The following JARID2 variants were observed in gnomAD, a reference collection of about 807,000 sequenced individuals.
The protein encoded by JARID2 is protein Jumonji.
JARID2 carries 21 observed loss-of-function variants against 125.6 expected under a neutral mutation model. That is an observed-to-expected ratio of 0.17 (90% confidence interval 0.12 to 0.24). The LOEUF (loss-of-function observed/expected upper bound fraction) is 0.24. Ranked by LOEUF, JARID2 falls within the 10% of genes least tolerant of loss-of-function variation. The pLI, the probability that JARID2 is intolerant of heterozygous loss-of-function variation, is 1.00. For synonymous variants in JARID2, 736 were observed against 661.6 expected (o/e 1.11, Z -1.73); for missense variants, 1,303 against 1,639.6 (o/e 0.79, Z 3.55).
intron 4 of JARID2, 142 bp downstream of exon 4, chr6:15,452,317 AAATC>A: frequency 1.0e-5 from 13 of 1,251,564 alleles, no homozygotes; most frequent in South Asian, 3.3e-5. Flanking sequence ...TGAAAGTGAG[AAATC>A]CCACCGAGAG....
In JARID2 at chr6:15,501,200, A is replaced by C. The variant is rs1351105435; in HGVS notation, c.2239A>C (p.Lys747Gln). The change falls in exon 8 of 18, where the codon AAG (lysine) becomes CAG (glutamine). Residue 747 changes from lysine (K) to glutamine (Q), a missense_variant. Lys to Gln is a moderately conservative substitution (Grantham distance 53). This residue lies in a region of JARID2 where 124 missense variants were observed against 131.0 expected (regional missense o/e 0.95). Transcript: ENST00000341776. ...LEGHTENDHHKFHPLPRFEPK... is the reference protein window; with the variant it reads ...LEGHTENDHHQFHPLPRFEPK... ...AGGCCACACAGAGAACGACCACCAC[A>C]AGTTCCACCCTCTGCCCCGCTTCGA... 4.3e-6 allele frequency: 7 copies of C among 1,613,916 alleles called. No homozygotes were observed. Among genetic ancestry groups the C allele is most frequent in the Non-Finnish European group, 5.9e-6 (7 of 1,179,968 alleles).
chr6:15,508,016 C>T (rs1301928988), intron 11 of JARID2, among the ~76,000 whole-genome samples: 1 of 152,242 alleles, frequency 6.6e-6, no homozygotes, highest in African/African-American at 2.4e-5. Context: ...GGTTTGGCGC[C>T]TCTGGTCCTC....
intron 3 of JARID2, among the ~76,000 whole-genome samples, chr6:15,427,479 T>G (rs1766778679): frequency 6.6e-6 from 1 of 152,106 alleles, no homozygotes; most frequent in African/African-American, 2.4e-5. Flanking sequence ...GGGATATCAC[T>G]TCCACCCCCC....
intron 1 of JARID2, among the ~76,000 whole-genome samples, chr6:15,355,179 A>G (rs766482789): frequency 2.6e-5 from 4 of 152,206 alleles, no homozygotes; most frequent in Non-Finnish European, 5.9e-5. Context: ...TTATAAAGGA[A>G]TTATCTGCCT....
intron 1 of JARID2, among the ~76,000 whole-genome samples, chr6:15,364,654 T>A (rs1377533936): frequency 6.6e-6 from 1 of 152,202 alleles, no homozygotes; most frequent in Non-Finnish European, 1.5e-5. Context: ...CTCCCACAGT[T>A]TTCTTGGTAA....
intron 5 of JARID2, among the ~76,000 whole-genome samples, chr6:15,485,155 C>T (rs757136837): frequency 4.6e-5 from 7 of 152,172 alleles, no homozygotes; most frequent in Non-Finnish European, 1.0e-4. Context: ...TGTGCAACGT[C>T]GGATTGTATC....
intron 3 of JARID2, among the ~76,000 whole-genome samples, chr6:15,425,530 AATAC>A (rs1352331877): frequency 2.0e-5 from 3 of 152,126 alleles, no homozygotes; most frequent in African/African-American, 7.2e-5. Context: ...TGAGTGGATT[AATAC>A]CTTTATCGTG....
chr6:15,420,984 A>G (rs1766461272), intron 3 of JARID2, among the ~76,000 whole-genome samples: 2 of 152,234 alleles, frequency 1.3e-5, no homozygotes. Flanking sequence ...TGTGCTTGTT[A>G]GTACTCAGCG....
intron 1 of JARID2, among the ~76,000 whole-genome samples, chr6:15,361,513 T>C (rs143500503): frequency 6.6e-6 from 1 of 152,368 alleles, no homozygotes; most frequent in Non-Finnish European, 1.5e-5. Context: ...CTTGTATGAT[T>C]GCAAACTGTA....
At chr6:15,390,956 C>T (rs1349406779) in intron 2 of JARID2, among the ~76,000 whole-genome samples, 2 of 151,938 alleles carry the variant, frequency 1.3e-5, no homozygotes, top group Non-Finnish European at 2.9e-5. Context: ...AATTTTTTTT[C>T]CTCAGAGGTG....
intron 1 of JARID2, among the ~76,000 whole-genome samples, chr6:15,328,599 A>G (rs753924737): frequency 6.6e-6 from 1 of 152,130 alleles, no homozygotes; most frequent in African/African-American, 2.4e-5. Context: ...GATGTATACA[A>G]TTGTTTATCT....
At chr6:15,479,546 A>G (rs1769511597) in intron 5 of JARID2, among the ~76,000 whole-genome samples, 1 of 152,216 alleles carries the variant, frequency 6.6e-6, no homozygotes, top group African/African-American at 2.4e-5. Context: ...TAGAAAAGGA[A>G]GAAGATGTGA....
At chr6:15,460,209 G>A (rs1245846279) in intron 4 of JARID2, among the ~76,000 whole-genome samples, 1 of 152,168 alleles carries the variant, frequency 6.6e-6, no homozygotes, top group Non-Finnish European at 1.5e-5. Context: ...GGTCTGAGGA[G>A]GGGAAGGATG....
chr6:15,267,902 C>T (rs1040798726), intron 1 of JARID2, among the ~76,000 whole-genome samples: 7 of 152,040 alleles, frequency 4.6e-5, no homozygotes, highest in Admixed American at 1.3e-4. Flanking sequence ...AAAGTTGGTT[C>T]CATGAAGTGT....
intron 1 of JARID2, among the ~76,000 whole-genome samples, chr6:15,291,160 A>G (rs533469836): frequency 1.3e-5 from 2 of 152,292 alleles, no homozygotes; most frequent in South Asian, 2.1e-4. Context: ...GCTTGAGCCC[A>G]GGAGTTCAAG....
intron 1 of JARID2, among the ~76,000 whole-genome samples, chr6:15,307,569 G>T (rs977819496): frequency 7.9e-5 from 12 of 151,984 alleles, no homozygotes; most frequent in Non-Finnish European, 1.8e-4. Flanking sequence ...AAATTCCTTG[G>T]ATCTTTGTTT....
At chr6:15,288,010 A>G (rs1761066815) in intron 1 of JARID2, among the ~76,000 whole-genome samples, 1 of 152,194 alleles carries the variant, frequency 6.6e-6, no homozygotes, top group Non-Finnish European at 1.5e-5. Context: ...CAGTTGAGGC[A>G]GATGGAACAA....
At chr6:15,512,492 C>T (rs560777096) in intron 14 of JARID2, 102 bp downstream of exon 14, 81 of 1,064,608 alleles carry the variant, frequency 7.6e-5, no homozygotes, top group Admixed American at 7.3e-4. Context: ...GTCTATTTGT[C>T]AATAGTTCCT....
chr6:15,412,982 T>A (rs1162922983), intron 3 of JARID2, among the ~76,000 whole-genome samples: 5 of 148,018 alleles, frequency 3.4e-5, no homozygotes, highest in African/African-American at 1.2e-4. Flanking sequence ...TCTGAAACAT[T>A]ATACATGGGA....
Sources: gnomAD v4.1 joint callset for allele counts (sites outside exome capture counted in the v4.1 genomes callset) on GRCh38, gnomAD v4.1.1 for gene constraint, gnomAD v4.1.1 regional missense constraint, MANE v1.5 for transcripts, NCBI Gene and HGNC (gene_info 2026-07-23, HGNC 2026-07-21) for gene names.